TIAM1: variants seen among roughly 807,000 people sequenced by gnomAD.
The protein encoded by TIAM1 is rho guanine nucleotide exchange factor TIAM1.
A neutral mutation model predicts 163.5 loss-of-function variants in TIAM1; 65 were observed. The observed-to-expected ratio is 0.40, with a 90% CI of 0.33 to 0.49. The LOEUF is 0.49. Ranked by LOEUF, TIAM1 falls within the 20% of genes least tolerant of loss-of-function variation. The pLI is 0.77. For missense variants in TIAM1, 1,789 were observed against 2,044.7 expected, an observed-to-expected ratio of 0.87 and a Z score of 2.41; for synonymous variants, 833 against 810.1, an observed-to-expected ratio of 1.03 and a Z score of -0.48.
intron 2 of TIAM1, among the ~76,000 whole-genome samples, chr21:31,378,746 A>G (rs1393929993): frequency 2.0e-5 from 3 of 152,184 alleles, no homozygotes; most frequent in African/African-American, 7.2e-5. Context: ...CACCAACTGC[A>G]GATCCAAAAT....
intron 2 of TIAM1, among the ~76,000 whole-genome samples, chr21:31,359,863 A>AGGAC (rs2076380545): frequency 7.6e-6 from 1 of 130,756 alleles, no homozygotes; most frequent in Non-Finnish European, 1.6e-5. Context: ...GAAGGAAGGA[A>AGGAC]GGGAGGGAGG....
chr21:31,400,965 C>T (rs2077155328), intron 2 of TIAM1, among the ~76,000 whole-genome samples: 1 of 152,070 alleles, frequency 6.6e-6, no homozygotes, highest in Admixed American at 6.6e-5. Flanking sequence ...GTGGCAGGCT[C>T]CTGTAATCCC....
In TIAM1 at chr21:31,141,166, C is replaced by T. The variant is rs756761259; in HGVS notation, c.3726G>A (p.Gly1242=). Residue 1242 remains glycine, a synonymous_variant, in exon 22 of 28, where the codon GGG becomes GGA. Coordinates refer to ENST00000541036, the MANE Select transcript of TIAM1 (RefSeq NM_001353694.2). This position sits in a 1 kb window ranked among gnomAD's most constrained non-coding sequence, Gnocchi z 4.7. ...CAGCAATCAGCTGGTCAAACACAGC[C>T]CCAAACTCTTCATGGATTTTCTGCA... ...NEMQKIHEEF[G]AVFDQLIAEQ... is the part of the protein sequence containing the mutation. 1.5e-5 allele frequency: 24 copies of T among 1,614,204 alleles called. No individual in the cohort carries two copies. Among genetic ancestry groups the T allele is most frequent in the Non-Finnish European group, 1.9e-5 (23 of 1,180,038 alleles).
At chr21:31,257,035 G>C (rs918420832) in intron 4 of TIAM1, among the ~76,000 whole-genome samples, 1 of 152,196 alleles carries the variant, frequency 6.6e-6, no homozygotes, top group African/African-American at 2.4e-5. Context: ...ACCAAGGCTG[G>C]TGCCAGCCTA....
intron 2 of TIAM1, among the ~76,000 whole-genome samples, chr21:31,446,389 A>C (rs1569338628): frequency 6.6e-6 from 1 of 152,206 alleles, no homozygotes; most frequent in Admixed American, 6.5e-5. Context: ...TTCTAGGGGC[A>C]CAGGCAGCAG....
chr21:31,519,516 A>AG (rs1189010017), intron 1 of TIAM1, among the ~76,000 whole-genome samples: 2 of 150,606 alleles, frequency 1.3e-5, no homozygotes, highest in Non-Finnish European at 3.0e-5. Flanking sequence ...CTCAAAAAAA[A>AG]AAAAAAAAAA....
intron 2 of TIAM1, among the ~76,000 whole-genome samples, chr21:31,411,171 G>A (rs563325654): frequency 7.9e-5 from 12 of 152,276 alleles, no homozygotes; most frequent in African/African-American, 2.9e-4. Context: ...TGAAACTCCT[G>A]AAATAATCCA....
rs773638649 is a variant in TIAM1, at chr21:31,141,242, A to T, written c.3656-6T>A. On this transcript the variant is annotated splice_polypyrimidine_tract_variant and splice_region_variant and intron_variant, in intron 21 of 27. Coordinates refer to ENST00000541036, the MANE Select transcript of TIAM1 (RefSeq NM_001353694.2). This position sits in a 1 kb window ranked among gnomAD's most constrained non-coding sequence, Gnocchi z 4.7. The stretch of plus-strand genomic sequence containing the variant: ...GTTCATGGTCTTGATGGCCACTGGA[A>T]GAAAACAGGTTGTGAAATGAGAGGC... 4.3e-5 allele frequency: 69 copies of T among 1,614,070 alleles called. No individual in the cohort carries two copies. Among genetic ancestry groups the T allele is most frequent in the Non-Finnish European group, 5.5e-5 (65 of 1,179,986 alleles).
In TIAM1 at chr21:31,443,298, C is replaced by T. The variant is rs74395414; in HGVS notation, c.-369+20685G>A. Reference sequence around the variant, plus strand: ...GAACAGACATATCAGGGCCAGCTCCCCAGATATTATAAAAGCATGGGAAGT... The same window carrying T: ...GAACAGACATATCAGGGCCAGCTCCTCAGATATTATAAAAGCATGGGAAGT... On this transcript the variant is annotated intron_variant, in intron 2 of 28. Coordinates refer to the TIAM1 transcript ENST00000286827. Among the ~76,000 whole-genome samples the T allele has an allele frequency of 1.4e-4, 22 of 152,204 alleles. No individual in the cohort carries two copies. The East Asian group carries it at 4.1e-3, about 28-fold the overall frequency.
intron 1 of TIAM1, among the ~76,000 whole-genome samples, chr21:31,513,078 A>T (rs1025947474): frequency 3.9e-5 from 6 of 152,236 alleles, no homozygotes; most frequent in African/African-American, 9.6e-5. Context: ...AGTGAAGTTT[A>T]ACATTTACTC....
intron 1 of TIAM1, among the ~76,000 whole-genome samples, chr21:31,481,691 G>C (rs988022664): frequency 2.0e-5 from 3 of 152,140 alleles, no homozygotes; most frequent in African/African-American, 7.2e-5. Flanking sequence ...CCAAATGTTA[G>C]AGATGCACAG....
At chr21:31,443,657 T>C (rs2044516636) in intron 2 of TIAM1, among the ~76,000 whole-genome samples, 2 of 152,204 alleles carry the variant, frequency 1.3e-5, no homozygotes, top group South Asian at 4.1e-4. Flanking sequence ...AATCCCCTGA[T>C]ATCAGACTCC....
intron 19 of TIAM1, among the ~76,000 whole-genome samples, chr21:31,149,996 T>C (rs989338321): frequency 6.6e-6 from 1 of 152,162 alleles, no homozygotes; most frequent in African/African-American, 2.4e-5. Context: ...AGACACACCA[T>C]ACATGCATAA....
chr21:31,444,644 G>A (rs1037314203), intron 2 of TIAM1, among the ~76,000 whole-genome samples: 1 of 152,082 alleles, frequency 6.6e-6, no homozygotes, highest in Admixed American at 6.6e-5. Context: ...AATATCCAAA[G>A]AACTGCAGTC....
intron 5 of TIAM1, among the ~76,000 whole-genome samples, chr21:31,250,823 G>A (rs888880233): frequency 1.3e-5 from 2 of 152,018 alleles, no homozygotes; most frequent in African/African-American, 4.8e-5. Flanking sequence ...GCAACAATAC[G>A]TACATGTACT....
At chr21:31,468,619 C>T (rs2045620114) in intron 1 of TIAM1, among the ~76,000 whole-genome samples, 1 of 150,662 alleles carries the variant, frequency 6.6e-6, no homozygotes. Flanking sequence ...ACTAAAAATA[C>T]AAAAAAATTA....
At position 31,250,151 on chromosome 21, in the gene TIAM1, G is replaced by GAAA. The variant is rs755928120; in HGVS notation, c.1411+1588_1411+1590dup. ...ACAGAGTGAGACCCTGTCTCAAACAGAAAAAAAAAAAAAAAAAAAAGAAAA... is the reference window on the plus strand; with the variant it reads ...ACAGAGTGAGACCCTGTCTCAAACAGAAAAAAAAAAAAAAAAAAAAAAAGAAAA... On this transcript the variant is annotated intron_variant, in intron 5 of 27. Coordinates refer to ENST00000541036, the MANE Select transcript of TIAM1 (RefSeq NM_001353694.2). Among the ~76,000 whole-genome samples, 409 of 58,864 alleles carry GAAA rather than the reference G, an allele frequency of 6.9e-3. 4 individuals carry two copies. Among genetic ancestry groups the GAAA allele is most frequent in the African/African-American group, 0.021 (380 of 18,014 alleles). 38.6% of individuals were successfully genotyped at this position (58,864 alleles called of 152,430 possible).
At chr21:31,237,844 TA>T (rs1269050489) in intron 6 of TIAM1, among the ~76,000 whole-genome samples, 1 of 152,220 alleles carries the variant, frequency 6.6e-6, no homozygotes, top group Admixed American at 6.5e-5. Context: ...TTTGGAATTG[TA>T]TGTGACATCC....
chr21:31,490,985 C>T lies in TIAM1; in HGVS notation c.-421-26950G>A, dbSNP rs532563947. On this transcript the variant is annotated intron_variant, in intron 1 of 28. Coordinates refer to the TIAM1 transcript ENST00000286827. The stretch of plus-strand genomic sequence containing the variant: ...ACTAAAAATACAAAAATTAGCCGGG[C>T]GTGGTGGTGCGTGCCTGTAATCCCA... Among the ~76,000 whole-genome samples, 5 of 152,268 alleles carry T rather than the reference C, an allele frequency of 3.3e-5. No individual in the cohort carries two copies. In the East Asian group the frequency reaches 5.8e-4, roughly 18 times the overall value.
Sources: gnomAD v4.1 joint callset for allele counts (sites outside exome capture counted in the v4.1 genomes callset) on GRCh38, gnomAD v4.1.1 for gene constraint, Gnocchi (gnomAD v3.1) non-coding constraint, MANE v1.5 for transcripts, NCBI Gene and HGNC (gene_info 2026-07-23, HGNC 2026-07-21) for gene names.